The following PRCP variants were observed in gnomAD, a reference collection of about 807,000 sequenced individuals.
PRCP encodes prolylcarboxypeptidase.
Under a neutral mutation model 54.2 loss-of-function variants are expected in PRCP, and 46 were observed. That is an observed-to-expected ratio of 0.85 (90% CI 0.67 to 1.09). PRCP has a LOEUF of 1.09. PRCP is among the 50% of genes least tolerant of loss of function. The pLI, the probability that PRCP is intolerant of heterozygous loss-of-function variation, is 0.00. For synonymous variants in PRCP, 240 were observed against 212.2 expected (o/e 1.13, Z -1.14); for missense variants, 613 against 596.8 (o/e 1.03, Z -0.28).
At chr11:82,850,206 G>A in intron 4 of PRCP, 118 bp downstream of exon 4, 1 of 1,062,692 alleles carries the variant, frequency 9.4e-7, no homozygotes, top group Non-Finnish European at 1.2e-6. Context: ...AGCTGTTAAT[G>A]AGACAGAAGC....
intron 1 of PRCP, among the ~76,000 whole-genome samples, chr11:82,866,869 C>T (rs1480784515): frequency 6.6e-6 from 1 of 151,802 alleles, no homozygotes; most frequent in Non-Finnish European, 1.5e-5. Flanking sequence ...TTACAGGTGC[C>T]CACCACCACA....
At chr11:82,852,089 GA>G (rs1170853034) in intron 3 of PRCP, among the ~76,000 whole-genome samples, 1 of 152,178 alleles carries the variant, frequency 6.6e-6, no homozygotes, top group Admixed American at 6.5e-5. Flanking sequence ...AAACCTAGGA[GA>G]GGAAGTTATG....
At chr11:82,849,816 A>G (rs10736757) in intron 5 of PRCP, 98 bp downstream of exon 5, 503,665 of 1,107,296 alleles carry the variant, frequency 0.45, 115,528 homozygotes, top group Admixed American at 0.56. Flanking sequence ...TGTACATTAT[A>G]CTTTAACAAA....
At chr11:82,834,570 TA>T (rs1858470626) in intron 8 of PRCP, among the ~76,000 whole-genome samples, 1 of 152,166 alleles carries the variant, frequency 6.6e-6, no homozygotes, top group Non-Finnish European at 1.5e-5. Context: ...TATGCAGCCA[TA>T]AAAAGGAATG....
intron 7 of PRCP, 94 bp downstream of exon 7, chr11:82,839,167 T>G: frequency 7.5e-7 from 1 of 1,334,344 alleles, no homozygotes; most frequent in Non-Finnish European, 1.0e-6. Context: ...GGATCCAGGT[T>G]AGGTGACAAA....
At chr11:82,889,551 CGCAGCAGCAGGA>C (rs1222108773) in intron 1 of PRCP, among the ~76,000 whole-genome samples, 1 of 150,360 alleles carries the variant, frequency 6.7e-6, no homozygotes, top group Non-Finnish European at 1.5e-5. Flanking sequence ...CAGCAGAAGA[CGCAGCAGCAGGA>C]GCAGCAGAAG....
chr11:82,897,225 A>G (rs1298486758), intron 1 of PRCP, among the ~76,000 whole-genome samples: 3 of 152,224 alleles, frequency 2.0e-5, no homozygotes, highest in Non-Finnish European at 4.4e-5. Flanking sequence ...TACCTAACTC[A>G]ATATTTGAAG....
At chr11:82,870,172 T>C (rs1859444436) in intron 1 of PRCP, among the ~76,000 whole-genome samples, 1 of 152,250 alleles carries the variant, frequency 6.6e-6, no homozygotes, top group African/African-American at 2.4e-5. Context: ...GAGAAACAGC[T>C]TTCTGTAAAA....
At chr11:82,887,387 C>G (rs1209229753) in intron 1 of PRCP, among the ~76,000 whole-genome samples, 1 of 152,146 alleles carries the variant, frequency 6.6e-6, no homozygotes, top group Non-Finnish European at 1.5e-5. Flanking sequence ...AAGAGTTCAA[C>G]AAATATTTTT....
chr11:82,868,181 T>A (rs1378510505), intron 1 of PRCP, among the ~76,000 whole-genome samples: 1 of 152,142 alleles, frequency 6.6e-6, no homozygotes, highest in African/African-American at 2.4e-5. Context: ...CATTGTTCTG[T>A]ATGTATAATA....
chr11:82,857,896 G>A (rs1358661481), intron 2 of PRCP, among the ~76,000 whole-genome samples: 1 of 152,174 alleles, frequency 6.6e-6, no homozygotes. Flanking sequence ...CCTTGGCAGT[G>A]CTGATCACTC....
At chr11:82,899,652 A>G (rs1017956316) in intron 1 of PRCP, among the ~76,000 whole-genome samples, 4 of 151,294 alleles carry the variant, frequency 2.6e-5, no homozygotes, top group African/African-American at 9.7e-5. Context: ...CACCCCCACC[A>G]CAAACTCCTA....
rs906818649 is a variant in PRCP at position 82,824,598 on chromosome 11, C to T, written c.*308G>A. Reference sequence around the variant, plus strand: ...AGAGAAATCTCTGCTTGCAGAGATACAAAGAAAGTAACTCTCCCTCTTATG... The same window carrying T: ...AGAGAAATCTCTGCTTGCAGAGATATAAAGAAAGTAACTCTCCCTCTTATG... On this transcript the variant is annotated 3_prime_UTR_variant, in exon 9 of 9. Coordinates refer to ENST00000313010, the MANE Select transcript of PRCP (RefSeq NM_005040.4). 2 of 327,024 alleles carry T rather than the reference C, an allele frequency of 6.1e-6. No homozygotes were observed. The highest frequency in any genetic ancestry group is 1.1e-5 in the Non-Finnish European group (2 of 174,410). 20.3% of individuals were successfully genotyped at this position (327,024 alleles called of 1,614,324 possible).
At chr11:82,900,610 A>G (rs1166149818), upstream of PRCP, 1 of 714,442 alleles carries the variant, frequency 1.4e-6, no homozygotes. Flanking sequence ...CACCGCCTCC[A>G]CTCCACTTTC....
Position 82,825,122 on chromosome 11 carries a change from G to A in PRCP, c.1275C>T (p.Ser425=). 6 of 1,611,416 alleles carry A rather than the reference G, an allele frequency of 3.7e-6. No individual in the cohort carries two copies. The highest frequency in any genetic ancestry group is 5.1e-6 in the Non-Finnish European group (6 of 1,178,742). Residue 425 remains serine, a splice_region_variant and synonymous_variant, in exon 9 of 9, where the codon AGC becomes AGT. Coordinates refer to ENST00000313010, the MANE Select transcript of PRCP (RefSeq NM_005040.4). Reference sequence around the variant, plus strand: ...CTGACCAGGGGTCTAGTTCACCATTGCTGCAAGTGAAAAAAAGAAGAAAAA... The same window carrying A: ...CTGACCAGGGGTCTAGTTCACCATTACTGCAAGTGAAAAAAAGAAGAAAAA... ...NISSHTNIVF[S]NGELDPWSGG... is the part of the protein sequence containing the mutation.
At chr11:82,899,089 T>C (rs901338426) in intron 1 of PRCP, among the ~76,000 whole-genome samples, 3 of 152,246 alleles carry the variant, frequency 2.0e-5, no homozygotes, top group Non-Finnish European at 2.9e-5. Context: ...CTGGGCTCAG[T>C]GGCTCACACC....
At chr11:82,855,398 C>T (rs534166111) in intron 2 of PRCP, among the ~76,000 whole-genome samples, 2 of 151,938 alleles carry the variant, frequency 1.3e-5, no homozygotes, top group Admixed American at 6.5e-5. Context: ...GTGGGCGGAT[C>T]ACAAGGTCAG....
chr11:82,850,063 G>T lies in PRCP; in HGVS notation c.602C>A (p.Ala201Glu). 7.2e-7 allele frequency: 1 copy of T among 1,397,682 alleles called. No homozygotes were observed. Among genetic ancestry groups the T allele is most frequent in the Non-Finnish European group, 9.3e-7 (1 of 1,071,478 alleles). 86.6% of individuals were successfully genotyped at this position (1,397,682 alleles called of 1,614,324 possible). Residue 201 changes from alanine to glutamate, a missense_variant, in exon 5 of 9, where the codon GCA becomes GAA. Ala to Glu is a moderately radical substitution (Grantham distance 107). Transcript: ENST00000313010. ...KYPHMVVGAL[A>E]ASAPIWQFED... is the part of the protein sequence containing the mutation. Reference sequence around the variant, plus strand: ...AAACTGCCAGATAGGGGCAGAAGCTGCAAGAGCTCTAAATGGCAAGAAAAT... The same window carrying T: ...AAACTGCCAGATAGGGGCAGAAGCTTCAAGAGCTCTAAATGGCAAGAAAAT...
chr11:82,864,246 C>T (rs147087706), intron 1 of PRCP, among the ~76,000 whole-genome samples: 3 of 152,334 alleles, frequency 2.0e-5, no homozygotes, highest in African/African-American at 4.8e-5. Flanking sequence ...ACTGGAAATA[C>T]GTAGTGAAAT....
Sources: allele counts gnomAD v4.1 joint callset (sites outside exome capture counted in the v4.1 genomes callset), GRCh38; gene constraint gnomAD v4.1.1; transcripts MANE v1.5; gene names NCBI Gene and HGNC (gene_info 2026-07-23, HGNC 2026-07-21).